RASEF: variants seen among roughly 807,000 people sequenced by gnomAD.
The protein encoded by RASEF is RAS and EF-hand domain containing, also known as ras and EF-hand domain-containing protein.
A neutral mutation model predicts 90.1 loss-of-function variants in RASEF; 68 were observed. The ratio of observed to expected loss-of-function variants is 0.75; its 90% CI spans 0.62 to 0.92. RASEF has a LOEUF of 0.92. Ranked by LOEUF, RASEF falls within the 40% of genes least tolerant of loss-of-function variation. The pLI, the probability that RASEF is intolerant of heterozygous loss-of-function variation, is 0.00. For synonymous variants in RASEF, 331 were observed against 345.2 expected (o/e 0.96, Z 0.46); for missense variants, 949 against 937.2 (o/e 1.01, Z -0.16).
At chr9:83,037,899 AAAGT>A (rs1829772000) in intron 1 of RASEF, among the ~76,000 whole-genome samples, 1 of 152,104 alleles carries the variant, frequency 6.6e-6, no homozygotes, top group African/African-American at 2.4e-5. Flanking sequence ...AATTAATTGA[AAAGT>A]AAGCCTGAAA....
At chr9:83,163,641 A>G in the RASEF span, among the ~76,000 whole-genome samples, 4 of 152,196 alleles carry the variant, frequency 2.6e-5, no homozygotes, top group African/African-American at 9.6e-5. Context: ...ATCTCTGAGA[A>G]TATCTCAATC....
At chr9:83,139,336 C>T in the RASEF span, among the ~76,000 whole-genome samples, 1 of 152,098 alleles carries the variant, frequency 6.6e-6, no homozygotes, top group East Asian at 1.9e-4. Flanking sequence ...AACCCTGGTC[C>T]CAGCATAGTC....
In RASEF at chr9:83,011,563, A is replaced by G. The variant is rs1056251288; in HGVS notation, c.843+871T>C. Reference sequence around the variant, plus strand: ...AAGACTCCATCTCAAAAAAAAAAAAAAAAAAAAAAAAAACTGAAATTTTAT... The same window carrying G: ...AAGACTCCATCTCAAAAAAAAAAAAGAAAAAAAAAAAAACTGAAATTTTAT... On this transcript the variant is annotated intron_variant, in intron 5 of 16. Coordinates refer to ENST00000376447, the MANE Select transcript of RASEF (RefSeq NM_152573.4). Among the ~76,000 whole-genome samples, 4 of 150,240 alleles carry G rather than the reference A, an allele frequency of 2.7e-5. No homozygotes were observed. In the South Asian group the frequency reaches 6.2e-4, roughly 23 times the overall value.
chr9:83,092,989 A>G, the RASEF span, among the ~76,000 whole-genome samples: 328 of 124,690 alleles, frequency 2.6e-3, no homozygotes, highest in South Asian at 0.012. Context: ...GCTAGATACA[A>G]AGTGCCGATT....
chr9:83,178,810 A>G, the RASEF span, among the ~76,000 whole-genome samples: 1 of 152,104 alleles, frequency 6.6e-6, no homozygotes, highest in Non-Finnish European at 1.5e-5. Flanking sequence ...CTCACATTAT[A>G]TTGTTTTTAG....
At chr9:83,186,264 G>A in the RASEF span, among the ~76,000 whole-genome samples, 1 of 152,080 alleles carries the variant, frequency 6.6e-6, no homozygotes, top group African/African-American at 2.4e-5. Context: ...CCAGGAGTAA[G>A]CTATTTAAAA....
In RASEF at chr9:83,030,596, TC is replaced by T. The variant is rs1829628287; in HGVS notation, c.432-4676del. Among the ~76,000 whole-genome samples, 4 of 152,212 alleles carry T rather than the reference TC, an allele frequency of 2.6e-5. No individual in the cohort carries two copies. The South Asian group carries it at 8.3e-4, about 32-fold the overall frequency. On this transcript the variant is annotated intron_variant, in intron 1 of 16. Coordinates refer to ENST00000376447, the MANE Select transcript of RASEF (RefSeq NM_152573.4). ...ACAAATAGAATAATTACAGGAAATGTCTGCCACTAACAGAAAATATGTCACA... is the reference window on the plus strand; with the variant it reads ...ACAAATAGAATAATTACAGGAAATGTTGCCACTAACAGAAAATATGTCACA...
the RASEF span, among the ~76,000 whole-genome samples, chr9:83,076,166 G>GAAA: frequency 3.1e-5 from 4 of 127,318 alleles, no homozygotes; most frequent in South Asian, 2.6e-4. Flanking sequence ...GACTGTCTCA[G>GAAA]AAAAAAAAAA....
At chr9:83,048,298 C>A (rs148301776) in intron 1 of RASEF, 190 of 985,396 alleles carry the variant, frequency 1.9e-4, no homozygotes, top group African/African-American at 2.1e-4. Context: ...GAAGGCGTCA[C>A]TTCTCTGTGG....
the RASEF span, among the ~76,000 whole-genome samples, chr9:83,114,586 C>A: frequency 6.6e-6 from 1 of 152,182 alleles, no homozygotes; most frequent in Non-Finnish European, 1.5e-5. Context: ...TTTTTCTCAA[C>A]AAGGAACATC....
At chr9:83,174,743 G>A in the RASEF span, among the ~76,000 whole-genome samples, 24 of 152,128 alleles carry the variant, frequency 1.6e-4, no homozygotes, top group Middle Eastern at 3.4e-3. Context: ...TAACTCTTCC[G>A]ATTTATGAAC....
the RASEF span, among the ~76,000 whole-genome samples, chr9:83,181,339 T>A: frequency 6.6e-6 from 1 of 151,966 alleles, no homozygotes; most frequent in Non-Finnish European, 1.5e-5. Context: ...ATGGGTAGAG[T>A]TACAAGGAGC....
the RASEF span, among the ~76,000 whole-genome samples, chr9:83,218,333 A>G: frequency 0.5 from 76,543 of 151,810 alleles, 19,617 homozygotes; most frequent in Middle Eastern, 0.6. Flanking sequence ...GAAAAGTAAA[A>G]CAACACTCCC....
intron 16 of RASEF, among the ~76,000 whole-genome samples, chr9:82,983,364 C>T (rs558733326): frequency 1.3e-5 from 2 of 152,168 alleles, no homozygotes; most frequent in African/African-American, 2.4e-5. Context: ...TTTCTGTCAT[C>T]GTAAGCTTCT....
intron 4 of RASEF, 88 bp downstream of exon 4, chr9:83,015,717 T>G: frequency 1.1e-6 from 1 of 939,630 alleles, no homozygotes; most frequent in Non-Finnish European, 1.8e-6. Flanking sequence ...GCCACTTCAA[T>G]AGGATTCCAA....
chr9:83,178,596 C>T, the RASEF span, among the ~76,000 whole-genome samples: 42,496 of 152,010 alleles, frequency 0.28, 5,963 homozygotes, highest in Admixed American at 0.31. Flanking sequence ...TCCAGCACCA[C>T]GAATCCAACT....
At chr9:83,086,867 A>T in the RASEF span, among the ~76,000 whole-genome samples, 7 of 152,232 alleles carry the variant, frequency 4.6e-5, no homozygotes, top group East Asian at 1.4e-3. Flanking sequence ...GCTATCTATC[A>T]CCTAATCTCA....
the RASEF span, among the ~76,000 whole-genome samples, chr9:83,070,975 A>T: frequency 3.3e-5 from 5 of 152,188 alleles, no homozygotes; most frequent in Non-Finnish European, 7.4e-5. Context: ...TTGTATTCTG[A>T]GGCCTTGCTA....
At chr9:83,005,531 G>C (rs769614633) in intron 7 of RASEF, 31 bp from the exon 8 acceptor site, 26 of 1,512,528 alleles carry the variant, frequency 1.7e-5, no homozygotes, top group Non-Finnish European at 2.3e-5. Flanking sequence ...CAGAAAGAGA[G>C]ACAAGGAAAG....
Sources: gnomAD v4.1 joint callset for allele counts (sites outside exome capture counted in the v4.1 genomes callset) on GRCh38, gnomAD v4.1.1 for gene constraint, MANE v1.5 for transcripts, NCBI Gene and HGNC (gene_info 2026-07-23, HGNC 2026-07-21) for gene names.